The following LHPP variants were observed in gnomAD, a reference collection of about 807,000 sequenced individuals.
LHPP encodes phospholysine phosphohistidine inorganic pyrophosphate phosphatase, also known as hLHPP.
A neutral mutation model predicts 30.3 loss-of-function variants in LHPP; 24 were observed. The ratio of observed to expected loss-of-function variants is 0.79; its 90% CI spans 0.57 to 1.11. The LOEUF (loss-of-function observed/expected upper bound fraction) is 1.11, where lower values mean the gene tolerates loss of function less well. Ranked by LOEUF, LHPP falls within the 50% of genes most tolerant of loss-of-function variation. The pLI is 0.00. For synonymous variants in LHPP, 150 were observed against 157.1 expected (o/e 0.95, Z 0.34); for missense variants, 356 against 367.2 (o/e 0.97, Z 0.25).
intron 3 of LHPP, among the ~76,000 whole-genome samples, chr10:124,491,251 A>G (rs1320957781): frequency 6.6e-6 from 1 of 152,252 alleles, no homozygotes; most frequent in African/African-American, 2.4e-5. Context: ...AAGTGTGGGA[A>G]TTCCGAGGCG....
intron 6 of LHPP, among the ~76,000 whole-genome samples, chr10:124,611,767 A>C (rs1949202883): frequency 6.6e-6 from 1 of 152,102 alleles, no homozygotes; most frequent in South Asian, 2.1e-4. Flanking sequence ...CCTTTGCAGA[A>C]ACCAAACCCT....
chr10:124,467,520 T>C (rs1247183838), intron 1 of LHPP, among the ~76,000 whole-genome samples: 5 of 118,810 alleles, frequency 4.2e-5, no homozygotes, highest in South Asian at 2.4e-4. Flanking sequence ...TTTCTTTTTC[T>C]TTTTTTTTTT....
At chr10:124,508,342 G>A (rs1387932498) in intron 5 of LHPP, among the ~76,000 whole-genome samples, 10 of 152,174 alleles carry the variant, frequency 6.6e-5, no homozygotes, top group Non-Finnish European at 1.5e-4. Context: ...GCTGGGCCGT[G>A]CCCACTTCCA....
chr10:124,581,799 T>C (rs1362288048), intron 6 of LHPP, among the ~76,000 whole-genome samples: 2 of 130,004 alleles, frequency 1.5e-5, no homozygotes, highest in Non-Finnish European at 3.5e-5. Context: ...ATTTTTTCTT[T>C]TTAAACAGAT....
rs1467728946 is a variant in LHPP, at chr10:124,496,648, C to T, written c.468-313C>T. ...CTGTGTTAGCAACTGAAACCGTCTG[C>T]CTTCTGGGTCCCCTGTTAATCATTG... On this transcript the variant is annotated intron_variant, in intron 3 of 6. Transcript: ENST00000368842. This position sits in a 1 kb window ranked among gnomAD's most constrained non-coding sequence, Gnocchi z 4.3. 6.6e-6 allele frequency among the ~76,000 whole-genome samples: 1 copy of T among 152,240 alleles called. No homozygotes were observed. The highest frequency in any genetic ancestry group is 1.9e-4 in the East Asian group (1 of 5,200).
intron 6 of LHPP, among the ~76,000 whole-genome samples, chr10:124,569,152 G>A (rs1306395845): frequency 6.6e-6 from 1 of 152,214 alleles, no homozygotes; most frequent in Non-Finnish European, 1.5e-5. Flanking sequence ...GTAAGGCCCG[G>A]GATCAGGAAT....
chr10:124,552,678 C>T (rs182850913), intron 6 of LHPP, among the ~76,000 whole-genome samples: 49 of 152,276 alleles, frequency 3.2e-4, no homozygotes, highest in African/African-American at 9.6e-4. Flanking sequence ...ATGGACTGGA[C>T]GCGTGGCTGC....
At chr10:124,511,085 C>T (rs576824839) in intron 5 of LHPP, among the ~76,000 whole-genome samples, 7 of 152,348 alleles carry the variant, frequency 4.6e-5, no homozygotes, top group African/African-American at 1.4e-4. Context: ...AGGATTTTCC[C>T]TAACATCAGT....
At chr10:124,601,700 G>GC (rs1346446904) in intron 6 of LHPP, among the ~76,000 whole-genome samples, 1 of 152,230 alleles carries the variant, frequency 6.6e-6, no homozygotes, top group Non-Finnish European at 1.5e-5. Flanking sequence ...CCGTAAATAA[G>GC]CCCCGTTTCC....
At chr10:124,560,180 G>T (rs934537494) in intron 6 of LHPP, among the ~76,000 whole-genome samples, 1 of 152,168 alleles carries the variant, frequency 6.6e-6, no homozygotes, top group Non-Finnish European at 1.5e-5. Flanking sequence ...CTCTTTCTTG[G>T]TTTTAAATTT....
intron 6 of LHPP, among the ~76,000 whole-genome samples, chr10:124,603,989 A>G (rs1229373846): frequency 6.6e-6 from 1 of 152,232 alleles, no homozygotes; most frequent in Non-Finnish European, 1.5e-5. Context: ...AGCTCTTTGC[A>G]GGCAGGGACC....
intron 1 of LHPP, among the ~76,000 whole-genome samples, chr10:124,472,099 G>T (rs923589793): frequency 1.4e-4 from 21 of 151,684 alleles, no homozygotes; most frequent in Admixed American, 5.3e-4. Flanking sequence ...ATCACATAAG[G>T]TCAGGAGTTT....
At chr10:124,522,112 G>A (rs1199530812) in intron 6 of LHPP, among the ~76,000 whole-genome samples, 1 of 152,218 alleles carries the variant, frequency 6.6e-6, no homozygotes, top group Non-Finnish European at 1.5e-5. Context: ...CCCCAGGAAA[G>A]CATCATCCCC....
intron 6 of LHPP, among the ~76,000 whole-genome samples, chr10:124,521,923 C>T (rs565134719): frequency 2.6e-5 from 4 of 152,294 alleles, no homozygotes; most frequent in Admixed American, 6.5e-5. Context: ...GTCTGAGAGG[C>T]CGAGAGGTGG....
At chr10:124,475,660 AGC>A (rs931742943) in intron 1 of LHPP, among the ~76,000 whole-genome samples, 2 of 152,214 alleles carry the variant, frequency 1.3e-5, no homozygotes, top group African/African-American at 4.8e-5. Flanking sequence ...TTAGGTGACA[AGC>A]CACAGTCATA....
At chr10:124,480,507 G>A (rs1953090267) in intron 1 of LHPP, among the ~76,000 whole-genome samples, 1 of 152,158 alleles carries the variant, frequency 6.6e-6, no homozygotes, top group Non-Finnish European at 1.5e-5. Context: ...GTTCTGAGAA[G>A]GTCACATCAT....
At chr10:124,551,033 T>C (rs1202202946) in intron 6 of LHPP, among the ~76,000 whole-genome samples, 3 of 152,084 alleles carry the variant, frequency 2.0e-5, no homozygotes, top group Non-Finnish European at 4.4e-5. Flanking sequence ...TGCGTGCCTG[T>C]TTCTACACAA....
intron 6 of LHPP, among the ~76,000 whole-genome samples, chr10:124,564,117 A>T (rs1000299941): frequency 2.7e-5 from 4 of 146,170 alleles, no homozygotes; most frequent in South Asian, 2.1e-4. Flanking sequence ...CAGCTGATTT[A>T]AAAAAAAATT....
In LHPP at chr10:124,590,466, G is replaced by T. The variant is rs1948868917; in HGVS notation, c.717-22798G>T. Among the ~76,000 whole-genome samples, 1 of 152,168 alleles carries T rather than the reference G, an allele frequency of 6.6e-6. No individual in the cohort carries two copies. Among genetic ancestry groups the T allele is most frequent in the African/African-American group, 2.4e-5 (1 of 41,448 alleles). On this transcript the variant is annotated intron_variant, in intron 6 of 6. Transcript: ENST00000368842. This position sits in a 1 kb window ranked among gnomAD's most constrained non-coding sequence, Gnocchi z 4.3. Reference sequence around the variant, plus strand: ...GCGTGGGCGATGGTGAGCAACTCCAGGCTACCCCGAGAAAGCCGCTGTGTG... The same window carrying T: ...GCGTGGGCGATGGTGAGCAACTCCATGCTACCCCGAGAAAGCCGCTGTGTG...
Sources: allele counts gnomAD v4.1 joint callset (sites outside exome capture counted in the v4.1 genomes callset), GRCh38; gene constraint gnomAD v4.1.1; non-coding constraint Gnocchi (gnomAD v3.1); transcripts MANE v1.5; gene names NCBI Gene and HGNC (gene_info 2026-07-23, HGNC 2026-07-21).